Variants in DNAH6 observed in about 807,000 individuals in gnomAD.
The protein encoded by DNAH6 is dynein axonemal heavy chain 6.
Under a neutral mutation model 491.4 loss-of-function variants are expected in DNAH6, and 340 were observed. The ratio of observed to expected loss-of-function variants is 0.69; its 90% confidence interval spans 0.63 to 0.76. The LOEUF (loss-of-function observed/expected upper bound fraction) is 0.76. Ranked by LOEUF, DNAH6 falls within the 30% of genes least tolerant of loss-of-function variation. The pLI, the probability that DNAH6 is intolerant of heterozygous loss-of-function variation, is 0.00. For synonymous variants in DNAH6, 1,603 were observed against 1,686.1 expected (o/e 0.95, Z 1.21); for missense variants, 4,443 against 4,972.2 (o/e 0.89, Z 3.20).
intron 18 of DNAH6, among the ~76,000 whole-genome samples, chr2:84,598,154 T>TTTCTTTCTTG: frequency 1.5e-5 from 1 of 64,772 alleles, no homozygotes; most frequent in African/African-American, 4.0e-5. Flanking sequence ...TTTCTTTCTT[T>TTTCTTTCTTG]CTTTCTTTCT....
chr2:84,662,277 G>A (rs1219818058), intron 37 of DNAH6, among the ~76,000 whole-genome samples: 2 of 151,856 alleles, frequency 1.3e-5, no homozygotes, highest in Non-Finnish European at 2.9e-5. Flanking sequence ...GTCGGACAGT[G>A]GCTGCACCCC....
chr2:84,654,550 T>C (rs1217489827), intron 34 of DNAH6, 110 bp from the exon 35 acceptor site: 6 of 1,367,060 alleles, frequency 4.4e-6, no homozygotes, highest in Non-Finnish European at 5.9e-6. Context: ...AGCCCTTCAG[T>C]GTTGTTAGAC....
At chr2:84,529,793 T>G (rs1490959981) in intron 4 of DNAH6, among the ~76,000 whole-genome samples, 1 of 152,180 alleles carries the variant, frequency 6.6e-6, no homozygotes, top group Non-Finnish European at 1.5e-5. Flanking sequence ...GGTCTTTTCT[T>G]GATGGTGATA....
intron 22 of DNAH6, among the ~76,000 whole-genome samples, chr2:84,616,465 G>A (rs1389328269): frequency 6.6e-6 from 1 of 151,978 alleles, no homozygotes; most frequent in Admixed American, 6.6e-5. Flanking sequence ...TTTTTTAACT[G>A]TTGTTGCTAT....
chr2:84,529,284 C>A, intron 4 of DNAH6, 118 bp downstream of exon 4: 1 of 822,010 alleles, frequency 1.2e-6, no homozygotes, highest in Non-Finnish European at 1.8e-6. Context: ...GGTTATCATT[C>A]AATGATAAAT....
chr2:84,740,873 T>A (rs1174662857), intron 62 of DNAH6, among the ~76,000 whole-genome samples: 1 of 152,156 alleles, frequency 6.6e-6, no homozygotes, highest in Non-Finnish European at 1.5e-5. Flanking sequence ...TGGGGCACTC[T>A]CCACACTCAC....
chr2:84,596,511 A>G (rs12475771), intron 18 of DNAH6, among the ~76,000 whole-genome samples: 122,505 of 151,890 alleles, frequency 0.81, 52,092 homozygotes, highest in East Asian at 0.99. Flanking sequence ...GTGTTTTTTC[A>G]GTAGAGACAG....
In DNAH6 at chr2:84,699,752, A is replaced by T. The variant is rs777284429; in HGVS notation, c.7818+18A>T. ...TTGTGCAGGTTGGTGACATCCCAGG[A>T]TATCTCTTTGAGAAGTTGGACTTGC... is the stretch of plus-strand genomic sequence containing the variant. On this transcript the variant is annotated intron_variant, in intron 48 of 76. Coordinates refer to ENST00000389394, the MANE Select transcript of DNAH6 (RefSeq NM_001370.2). The T allele has an allele frequency of 6.5e-6, 10 of 1,548,042 alleles. No homozygotes were observed. In the South Asian group the frequency reaches 1.1e-4, roughly 17 times the overall value.
chr2:84,584,820 C>T (rs1391948229), intron 15 of DNAH6: 2 of 152,072 alleles, frequency 1.3e-5, no homozygotes, highest in East Asian at 3.9e-4. Context: ...GTATAACAAA[C>T]CTGCACATGT....
At chr2:84,648,626 A>G (rs1368601128) in intron 33 of DNAH6, among the ~76,000 whole-genome samples, 4 of 152,204 alleles carry the variant, frequency 2.6e-5, no homozygotes, top group African/African-American at 7.2e-5. Flanking sequence ...TAGCAAAAGA[A>G]CTAGAATTAG....
chr2:84,672,736 C>T (rs941088644), intron 40 of DNAH6, among the ~76,000 whole-genome samples: 3 of 152,144 alleles, frequency 2.0e-5, no homozygotes, highest in Non-Finnish European at 1.5e-5. Flanking sequence ...CAAACCTCTT[C>T]TTATAAGGAC....
At chr2:84,667,402 G>GA (rs1404360003) in intron 37 of DNAH6, among the ~76,000 whole-genome samples, 4 of 151,986 alleles carry the variant, frequency 2.6e-5, no homozygotes, top group East Asian at 1.9e-4. Context: ...AAATTTACAA[G>GA]AAAAAAAATC....
At chr2:84,793,165 A>G (rs1400227992) in intron 68 of DNAH6, among the ~76,000 whole-genome samples, 1 of 152,198 alleles carries the variant, frequency 6.6e-6, no homozygotes, top group East Asian at 1.9e-4. Context: ...CAGACCAGGC[A>G]GTGGCATGGA....
At chr2:84,763,941 C>T (rs771006670) in intron 64 of DNAH6, among the ~76,000 whole-genome samples, 82 of 152,082 alleles carry the variant, frequency 5.4e-4, no homozygotes, top group Non-Finnish European at 8.4e-4. Context: ...GTCTAAAGGC[C>T]AGAAAAAAAC....
chr2:84,599,956 T>G (rs1039487217), intron 18 of DNAH6, among the ~76,000 whole-genome samples: 5 of 152,200 alleles, frequency 3.3e-5, no homozygotes, highest in African/African-American at 1.2e-4. Context: ...TTTTTAAGGT[T>G]TGTTTTATAG....
At chr2:84,667,691 A>C (rs746117981) in intron 37 of DNAH6, among the ~76,000 whole-genome samples, 1 of 152,220 alleles carries the variant, frequency 6.6e-6, no homozygotes, top group Non-Finnish European at 1.5e-5. Context: ...GCGATTCCTC[A>C]AGGATCTAGA....
intron 14 of DNAH6, among the ~76,000 whole-genome samples, chr2:84,580,947 G>T (rs368170943): frequency 6.6e-6 from 1 of 152,174 alleles, no homozygotes; most frequent in Non-Finnish European, 1.5e-5. Flanking sequence ...ATCTCTCTGA[G>T]GGTCTGCTTC....
Position 84,595,795 on chromosome 2 carries a change from G to A in DNAH6, c.2868+6G>A, listed in dbSNP as rs1393709533. 6.5e-7 allele frequency: 1 copy of A among 1,537,230 alleles called. No homozygotes were observed. The highest frequency in any genetic ancestry group is 8.8e-7 in the Non-Finnish European group (1 of 1,142,572). ...TGGAAAAAATGAAAGAAAAGGTAAG[G>A]TTGGTAGAAGTTATTTCAAAAACTG... On this transcript the variant is annotated splice_donor_region_variant and intron_variant, in intron 18 of 76. Coordinates refer to ENST00000389394, the MANE Select transcript of DNAH6 (RefSeq NM_001370.2).
In DNAH6 at chr2:84,694,480, G is replaced by C; in HGVS notation, c.7524G>C (p.Gln2508His). The C allele has an allele frequency of 1.3e-6, 2 of 1,550,262 alleles. No individual in the cohort carries two copies. ...KNMVFLFTDT[Q>H]IVVEEFLEDI... ...TGGTTTTCCTTTTCACTGACACCCA[G>C]GTGTGTGTTTAAATAGCCCATGGGT... Residue 2508 changes from glutamine to histidine, a missense_variant and splice_region_variant, in exon 46 of 77, where the codon CAG (glutamine) becomes CAC (histidine). Gln to His is a conservative substitution (Grantham distance 24). Transcript: ENST00000389394.
Sources: gnomAD v4.1 joint callset for allele counts (sites outside exome capture counted in the v4.1 genomes callset) on GRCh38, gnomAD v4.1.1 for gene constraint, MANE v1.5 for transcripts, NCBI Gene and HGNC (gene_info 2026-07-23, HGNC 2026-07-21) for gene names.